Variants in FBXO31 observed in about 807,000 individuals in gnomAD.
The protein encoded by FBXO31 is F-box only protein 31.
FBXO31 carries 24 observed loss-of-function variants against 54.4 expected under a neutral mutation model. The observed-to-expected ratio is 0.44, with a 90% CI of 0.32 to 0.62. The LOEUF is 0.62. FBXO31 is among the 20% of genes least tolerant of loss of function. The pLI is 0.05. For missense variants in FBXO31, 665 were observed against 787.1 expected, an observed-to-expected ratio of 0.84 and a Z score of 1.86; for synonymous variants, 388 against 335.6, an observed-to-expected ratio of 1.16 and a Z score of -1.71.
At chr16:87,362,959 C>T (rs886679359) in intron 1 of FBXO31, among the ~76,000 whole-genome samples, 2 of 152,220 alleles carry the variant, frequency 1.3e-5, no homozygotes, top group East Asian at 1.9e-4. Context: ...GACCTTTGTC[C>T]TCCCTTCAGT....
In FBXO31 at chr16:87,334,101, C is replaced by A. The variant is rs757450172; in HGVS notation, c.1182G>T (p.Arg394=). 1 of 1,610,008 alleles carries A rather than the reference C, an allele frequency of 6.2e-7. No homozygotes were observed. The highest frequency in any genetic ancestry group is 8.5e-7 in the Non-Finnish European group (1 of 1,178,310). The change falls in exon 8 of 9, where the codon CGG becomes CGT. Residue 394 remains arginine (R), a synonymous_variant. Transcript: ENST00000311635. ...GGHEAGEGRG[R]QGPRESQPSP... The stretch of plus-strand genomic sequence containing the variant: ...TTGGCTGGGACTCCCGGGGGCCCTG[C>A]CGGCCACGACCCTCGCCCGCCTCGT...
intron 1 of FBXO31, among the ~76,000 whole-genome samples, chr16:87,371,843 G>A (rs1358288789): frequency 6.6e-6 from 1 of 152,212 alleles, no homozygotes; most frequent in Non-Finnish European, 1.5e-5. Flanking sequence ...AAGTGGGGAA[G>A]GGGAAACCTC....
At chr16:87,369,789 G>C (rs542401233) in intron 1 of FBXO31, among the ~76,000 whole-genome samples, 1 of 152,056 alleles carries the variant, frequency 6.6e-6, no homozygotes, top group African/African-American at 2.4e-5. Flanking sequence ...AATTTCTCTT[G>C]TTTTTGAGAC....
upstream of FBXO31, among the ~76,000 whole-genome samples, chr16:87,387,836 G>A (rs4294823): frequency 0.43 from 65,515 of 151,920 alleles, 16,922 homozygotes; most frequent in East Asian, 1. Context: ...AGAAAGCCAC[G>A]TTAACTGTAT....
At chr16:87,380,240 G>C (rs961995808) in intron 1 of FBXO31, among the ~76,000 whole-genome samples, 1 of 135,016 alleles carries the variant, frequency 7.4e-6, no homozygotes, top group African/African-American at 2.8e-5. Flanking sequence ...AGAGGCTGTA[G>C]TGAGCCAAGA....
intron 2 of FBXO31, among the ~76,000 whole-genome samples, chr16:87,351,201 C>G (rs1905639344): frequency 6.6e-6 from 1 of 152,200 alleles, no homozygotes; most frequent in Non-Finnish European, 1.5e-5. Flanking sequence ...ATCGCACAAG[C>G]AAACGGATTC....
At chr16:87,356,228 CAAA>C (rs562439286) in intron 2 of FBXO31, among the ~76,000 whole-genome samples, 6 of 82,648 alleles carry the variant, frequency 7.3e-5, no homozygotes, top group African/African-American at 4.5e-5. Context: ...GACTCCATCT[CAAA>C]AAAAAAAAAA....
At chr16:87,333,264 C>T (rs549525895) in intron 8 of FBXO31, among the ~76,000 whole-genome samples, 2 of 152,354 alleles carry the variant, frequency 1.3e-5, no homozygotes, top group South Asian at 2.1e-4. Context: ...GCAGTGGCAG[C>T]GGCAATGCCA....
At position 87,338,642 on chromosome 16, in the gene FBXO31, G is replaced by A. The variant is rs1905103003; in HGVS notation, c.733-2378C>T. 6.6e-6 allele frequency among the ~76,000 whole-genome samples: 1 copy of A among 152,178 alleles called. No homozygotes were observed. The highest frequency in any genetic ancestry group is 2.4e-5 in the African/African-American group (1 of 41,424). ...AACATCATCAGATCATGCCAGTGAC[G>A]CAGCCTGGGTACAAGGAATGGCCTC... On this transcript the variant is annotated intron_variant, in intron 5 of 8. Coordinates refer to ENST00000311635, the MANE Select transcript of FBXO31 (RefSeq NM_024735.5). This position sits in a 1 kb window ranked among gnomAD's most constrained non-coding sequence, Gnocchi z 4.3.
chr16:87,369,108 A>T (rs1290671812), intron 1 of FBXO31, among the ~76,000 whole-genome samples: 2 of 151,240 alleles, frequency 1.3e-5, no homozygotes, highest in Non-Finnish European at 2.9e-5. Flanking sequence ...TTTATTTTTT[A>T]TTTTTTTCAT....
At chr16:87,366,179 A>G (rs1272826999) in intron 1 of FBXO31, among the ~76,000 whole-genome samples, 1 of 152,214 alleles carries the variant, frequency 6.6e-6, no homozygotes, top group African/African-American at 2.4e-5. Flanking sequence ...GATGTGAGTG[A>G]AAACTGCGGA....
chr16:87,387,066 A>G (rs1273009654), upstream of FBXO31, among the ~76,000 whole-genome samples: 2 of 152,148 alleles, frequency 1.3e-5, no homozygotes, highest in Non-Finnish European at 2.9e-5. Context: ...TGGGAGGCTG[A>G]GCAGGGAAGA....
At chr16:87,384,155 T>G (rs915508630), upstream of FBXO31, 1 of 153,334 alleles carries the variant, frequency 6.5e-6, no homozygotes, top group South Asian at 2.1e-4. Flanking sequence ...CTCGCGCCCG[T>G]GCGTCCCGCT....
chr16:87,381,806 C>T (rs911247321), intron 1 of FBXO31, among the ~76,000 whole-genome samples: 2 of 152,186 alleles, frequency 1.3e-5, no homozygotes, highest in African/African-American at 4.8e-5. Context: ...GGGTGAATCA[C>T]AAGGTCAGGA....
rs1375192930 is a variant in FBXO31, at chr16:87,343,669, G to A, written c.586C>T (p.Leu196=). 6 of 1,614,114 alleles carry A rather than the reference G, an allele frequency of 3.7e-6. No individual in the cohort carries two copies. Among genetic ancestry groups the A allele is most frequent in the Admixed American group, 1.7e-5 (1 of 60,010 alleles). The part of the protein sequence containing the change: ...MRFKPLFRIH[L]MERKAATVEC... ...ACTGTGGCAGCCTTCCTCTCCATCAGGTGGATCCTGAACAGAGGCTTGAAT... is the reference window on the plus strand; with the variant it reads ...ACTGTGGCAGCCTTCCTCTCCATCAAGTGGATCCTGAACAGAGGCTTGAAT... The change falls in exon 4 of 9, where the codon CTG becomes TTG. Residue 196 remains leucine (L), a synonymous_variant. Coordinates refer to ENST00000311635, the MANE Select transcript of FBXO31 (RefSeq NM_024735.5).
At chr16:87,382,692 C>T (rs1416487296) in intron 1 of FBXO31, among the ~76,000 whole-genome samples, 1 of 152,140 alleles carries the variant, frequency 6.6e-6, no homozygotes, top group African/African-American at 2.4e-5. Context: ...AGTGCAATGG[C>T]CCAGATGTTG....
intron 2 of FBXO31, among the ~76,000 whole-genome samples, chr16:87,349,845 G>A (rs1039663839): frequency 1.3e-5 from 2 of 151,792 alleles, no homozygotes; most frequent in African/African-American, 4.8e-5. Flanking sequence ...GGAGGCGGAG[G>A]CTGTAGTGAG....
Position 87,383,424 on chromosome 16 carries a change from C to A in FBXO31, c.321G>T (p.Trp107Cys). The A allele has an allele frequency of 6.4e-7, 1 of 1,572,528 alleles. No homozygotes were observed. Residue 107 changes from tryptophan to cysteine, a missense_variant, in exon 1 of 9, where the codon TGG becomes TGT. Coordinates refer to ENST00000311635, the MANE Select transcript of FBXO31 (RefSeq NM_024735.5). The surrounding 1 kb of genome is among the most constrained non-coding windows in gnomAD (Gnocchi z 4.9). ...GCTCACCCTCACGGCAACGCCTCCT[C>A]CAGATGGTGTCGGTGTGGAGGATGC... ...FRRILHTDTI[W>C]RRRCREEYGV... is the part of the protein sequence containing the mutation.
upstream of FBXO31, among the ~76,000 whole-genome samples, chr16:87,384,440 G>A (rs144950583): frequency 0.011 from 1,728 of 152,234 alleles, 8 homozygotes; most frequent in Non-Finnish European, 0.018. Flanking sequence ...ATCCGGGGAT[G>A]CGCGCCCGGT....
Sources: gnomAD v4.1 joint callset for allele counts (sites outside exome capture counted in the v4.1 genomes callset) on GRCh38, gnomAD v4.1.1 for gene constraint, Gnocchi (gnomAD v3.1) non-coding constraint, MANE v1.5 for transcripts, NCBI Gene and HGNC (gene_info 2026-07-23, HGNC 2026-07-21) for gene names.